CFAP68: variants seen among roughly 807,000 people sequenced by gnomAD.
The protein encoded by CFAP68 is cilia and flagella associated protein 68.
At chr11:111,879,917 G>T in the CFAP68 span, among the ~76,000 whole-genome samples, 1 of 152,298 alleles carries the variant, frequency 6.6e-6, no homozygotes, top group African/African-American at 2.4e-5. Context: ...GTCAAGAGGC[G>T]TGAAGAGGCA....
At chr11:111,883,223 A>G in the CFAP68 span, 7 of 1,542,570 alleles carry the variant, frequency 4.5e-6, no homozygotes, top group Non-Finnish European at 6.2e-6. Flanking sequence ...TGTTTTTTCA[A>G]ATTCTTACAT....
the CFAP68 span, chr11:111,882,280 C>G: frequency 1.2e-5 from 13 of 1,088,360 alleles, no homozygotes; most frequent in Non-Finnish European, 4.1e-6. Flanking sequence ...TTGTGTTATA[C>G]CTGGCTATGT....
chr11:111,880,942 G>T, the CFAP68 span: 2 of 368,786 alleles, frequency 5.4e-6, no homozygotes, highest in Non-Finnish European at 1.1e-5. Flanking sequence ...CTTTCACTTT[G>T]AAAAATTCTC....
At chr11:111,884,710 A>G in the CFAP68 span, 2 of 152,240 alleles carry the variant, frequency 1.3e-5, no homozygotes, top group South Asian at 4.1e-4. Context: ...GGAGAATTTT[A>G]CGTAAAACAA....
chr11:111,884,193 G>T, the CFAP68 span: 1 of 211,028 alleles, frequency 4.7e-6, no homozygotes. Flanking sequence ...ATTATTTTAG[G>T]CCAGGCACGG....
the CFAP68 span, chr11:111,880,874 C>T: frequency 2.3e-6 from 1 of 431,572 alleles, no homozygotes; most frequent in Admixed American, 2.7e-5. Context: ...CTGAATCTTA[C>T]TCTGAAAACG....
chr11:111,883,437 A>C, the CFAP68 span, among the ~76,000 whole-genome samples: 1 of 152,110 alleles, frequency 6.6e-6, no homozygotes, highest in African/African-American at 2.4e-5. Context: ...TAAAAAAAAT[A>C]CAAAAATTAG....
At chr11:111,883,279 A>C in the CFAP68 span, 2 of 1,277,982 alleles carry the variant, frequency 1.6e-6, no homozygotes, top group Non-Finnish European at 2.2e-6. Context: ...GAACTCAAAT[A>C]AAAGTAAACT....
the CFAP68 span, chr11:111,881,004 A>G: frequency 9.5e-6 from 3 of 317,052 alleles, no homozygotes; most frequent in African/African-American, 2.2e-5. Context: ...GCATGGCAGG[A>G]TAAAACAAGA....
the CFAP68 span, among the ~76,000 whole-genome samples, chr11:111,880,225 G>A: frequency 1.3e-5 from 2 of 152,132 alleles, no homozygotes; most frequent in African/African-American, 4.8e-5. Flanking sequence ...TAGTAGCCTG[G>A]AGTGTGTGTT....
the CFAP68 span, among the ~76,000 whole-genome samples, chr11:111,883,509 C>T: frequency 1.3e-5 from 2 of 151,948 alleles, no homozygotes; most frequent in Non-Finnish European, 2.9e-5. Flanking sequence ...AGGAGAATCA[C>T]CTGAACCCGA....
chr11:111,883,259 C>A, the CFAP68 span: 1 of 1,406,836 alleles, frequency 7.1e-7, no homozygotes, highest in East Asian at 2.5e-5. Context: ...CAGTGACCGG[C>A]ACATAGAAGG....
chr11:111,879,701 A>G, the CFAP68 span: 1 of 1,370,138 alleles, frequency 7.3e-7, no homozygotes, highest in South Asian at 1.2e-5. Flanking sequence ...TATGTGGATG[A>G]ACAAAATGTG....
At chr11:111,882,617 T>TTTTG in the CFAP68 span, 2 of 1,532,846 alleles carry the variant, frequency 1.3e-6, no homozygotes, top group South Asian at 2.6e-5. Context: ...ACTTTGTCTT[T>TTTTG]TTTGTTTGTT....
chr11:111,879,730 C>A, the CFAP68 span: 1 of 1,077,710 alleles, frequency 9.3e-7, no homozygotes, highest in Non-Finnish European at 1.4e-6. Flanking sequence ...TTTCAATGAG[C>A]CTGCAGTCTG....
the CFAP68 span, among the ~76,000 whole-genome samples, chr11:111,882,118 C>G: frequency 6.6e-6 from 1 of 152,096 alleles, no homozygotes; most frequent in African/African-American, 2.4e-5. Context: ...GAAGTTTTTC[C>G]TGTCTCTTCA....
the CFAP68 span, chr11:111,882,488 C>T: frequency 2.2e-5 from 36 of 1,614,000 alleles, no homozygotes; most frequent in Non-Finnish European, 2.6e-5. Flanking sequence ...GTATGGATGG[C>T]GATGCACCAC....
At chr11:111,881,427 C>T in the CFAP68 span, 2 of 1,534,136 alleles carry the variant, frequency 1.3e-6, no homozygotes, top group Admixed American at 2.0e-5. Context: ...TGGGTGGTGA[C>T]TCCCAAATCA....
At chr11:111,881,416 G>C in the CFAP68 span, 7 of 1,531,714 alleles carry the variant, frequency 4.6e-6, no homozygotes, top group Non-Finnish European at 6.1e-6. Flanking sequence ...GGAAAGGCAA[G>C]TGGGTGGTGA....
Sources: gnomAD v4.1 joint callset for allele counts (sites outside exome capture counted in the v4.1 genomes callset) on GRCh38, gnomAD v4.1.1 for gene constraint, MANE v1.5 for transcripts, NCBI Gene and HGNC (gene_info 2026-07-23, HGNC 2026-07-21) for gene names.